EPC2: variants seen among roughly 807,000 people sequenced by gnomAD.
EPC2 encodes enhancer of polycomb 2.
In EPC2, 14 loss-of-function variants were observed where a neutral mutation model predicts 92.1. The observed-to-expected ratio is 0.15, with a 90% confidence interval of 0.10 to 0.24. The LOEUF is 0.24. Ranked by LOEUF, EPC2 falls within the 10% of genes least tolerant of loss-of-function variation. EPC2 has a pLI of 1.00. For synonymous variants in EPC2, 340 were observed against 334.7 expected, an observed-to-expected ratio of 1.02 and a Z score of -0.17; for missense variants, 755 against 971.5, an observed-to-expected ratio of 0.78 and a Z score of 2.96.
At chr2:148,737,715 T>C (rs1407219369) in intron 2 of EPC2, among the ~76,000 whole-genome samples, 1 of 152,030 alleles carries the variant, frequency 6.6e-6, no homozygotes, top group Non-Finnish European at 1.5e-5. Flanking sequence ...CTCTCAGGGA[T>C]GTCCAATCAT....
intron 2 of EPC2, among the ~76,000 whole-genome samples, chr2:148,705,633 A>G (rs1681983063): frequency 1.3e-5 from 2 of 152,182 alleles, no homozygotes; most frequent in Admixed American, 1.3e-4. Context: ...TTCCAGAGGA[A>G]GGATTAGGCA....
At chr2:148,665,256 G>T (rs1047141335) in intron 1 of EPC2, among the ~76,000 whole-genome samples, 3 of 152,138 alleles carry the variant, frequency 2.0e-5, no homozygotes, top group African/African-American at 4.8e-5. Context: ...AGTATTCAAG[G>T]AATGCAAAAT....
At chr2:148,701,974 T>C (rs377453008) in intron 2 of EPC2, among the ~76,000 whole-genome samples, 64 of 152,308 alleles carry the variant, frequency 4.2e-4, no homozygotes, top group Admixed American at 1.9e-3. Flanking sequence ...TTCTGTAAGT[T>C]GTCAATTTAT....
chr2:148,761,790 G>A lies in EPC2; in HGVS notation c.675G>A (p.Lys225=). ...ATTATTATTTTTAATAGAATCGTAAGAATGATGAAGCCTCTTATGAAAAGA... is the reference window on the plus strand; with the variant it reads ...ATTATTATTTTTAATAGAATCGTAAAAATGATGAAGCCTCTTATGAAAAGA... ...TEKMQTRKNR[K]NDEASYEKML... is the part of the protein sequence containing the mutation. The change falls in exon 5 of 14, where the codon AAG becomes AAA. Residue 225 remains lysine (K), a synonymous_variant. Coordinates refer to ENST00000258484, the MANE Select transcript of EPC2 (RefSeq NM_015630.4). The A allele has an allele frequency of 6.6e-7, 1 of 1,510,776 alleles. No homozygotes were observed. Among genetic ancestry groups the A allele is most frequent in the South Asian group, 1.3e-5 (1 of 74,544 alleles). 93.6% of individuals were successfully genotyped at this position (1,510,776 alleles called of 1,614,324 possible).
At chr2:148,657,113 G>A (rs953707029) in intron 1 of EPC2, among the ~76,000 whole-genome samples, 2 of 151,838 alleles carry the variant, frequency 1.3e-5, no homozygotes, top group African/African-American at 4.8e-5. Flanking sequence ...CTTTTAGGAC[G>A]GGCAAAATTG....
chr2:148,713,143 T>A (rs560596679), intron 2 of EPC2, among the ~76,000 whole-genome samples: 2 of 152,364 alleles, frequency 1.3e-5, no homozygotes, highest in South Asian at 4.1e-4. Flanking sequence ...TTCCTCTACT[T>A]ATCAAAAATT....
At position 148,749,024 on chromosome 2, in the gene EPC2, A is replaced by G. The variant is rs558600990; in HGVS notation, c.460-4903A>G. Among the ~76,000 whole-genome samples, 163 of 152,266 alleles carry G rather than the reference A, an allele frequency of 1.1e-3. 1 individual carries two copies. Among genetic ancestry groups the G allele is most frequent in the African/African-American group, 3.8e-3 (156 of 41,560 alleles). ...TATAAAGTGAAATCTGAACCACCTG[A>G]TTCCAGCCATGCTGAACTTCTTTCT... On this transcript the variant is annotated intron_variant, in intron 3 of 13. Coordinates refer to ENST00000258484, the MANE Select transcript of EPC2 (RefSeq NM_015630.4).
rs566328147 is a variant in EPC2 at position 148,703,961 on chromosome 2, A to C, written c.313+13588A>C. ...ACTCTTGTGGACTGTTGGGAATGTA[A>C]AATGGTGTAGCCACTGTGGAAAACA... On this transcript the variant is annotated intron_variant, in intron 2 of 13. Transcript: ENST00000258484. 2.1e-3 allele frequency among the ~76,000 whole-genome samples: 315 copies of C among 152,332 alleles called. 1 individual carries two copies. The highest frequency in any genetic ancestry group is 7.3e-3 in the African/African-American group (302 of 41,582).
intron 2 of EPC2, among the ~76,000 whole-genome samples, chr2:148,710,861 G>C (rs1355341486): frequency 1.3e-5 from 2 of 152,042 alleles, no homozygotes; most frequent in Non-Finnish European, 2.9e-5. Context: ...TGGGGGGAGT[G>C]GGGAGGGATG....
At chr2:148,674,252 C>T (rs1681219338) in intron 1 of EPC2, among the ~76,000 whole-genome samples, 1 of 152,178 alleles carries the variant, frequency 6.6e-6, no homozygotes, top group Non-Finnish European at 1.5e-5. Context: ...CTTGCTCCCT[C>T]TTGTCTCTGT....
intron 1 of EPC2, 49 bp downstream of exon 1, chr2:148,645,219 C>CT (rs1271071430): frequency 1.4e-6 from 2 of 1,465,722 alleles, no homozygotes; most frequent in Non-Finnish European, 9.2e-7. Context: ...CCCCCCTCCC[C>CT]TTTGTCAGTC....
At chr2:148,706,524 C>G (rs1682003211) in intron 2 of EPC2, among the ~76,000 whole-genome samples, 1 of 152,118 alleles carries the variant, frequency 6.6e-6, no homozygotes, top group Admixed American at 6.5e-5. Context: ...TCGAGAAGAG[C>G]AACCCCAAGA....
At chr2:148,759,664 G>A (rs1023593872) in intron 4 of EPC2, among the ~76,000 whole-genome samples, 5 of 151,650 alleles carry the variant, frequency 3.3e-5, no homozygotes, top group Non-Finnish European at 1.5e-5. Context: ...AACTTCTCTT[G>A]AAATTTTTCA....
chr2:148,683,717 C>G (rs575343503), intron 1 of EPC2, among the ~76,000 whole-genome samples: 1 of 152,324 alleles, frequency 6.6e-6, no homozygotes, highest in African/African-American at 2.4e-5. Context: ...TTATTTCATT[C>G]CTTTTTATGC....
chr2:148,652,690 A>T (rs1254332291), intron 1 of EPC2, among the ~76,000 whole-genome samples: 1 of 152,232 alleles, frequency 6.6e-6, no homozygotes. Flanking sequence ...ATGTGACATT[A>T]AATATTGGGA....
At position 148,654,582 on chromosome 2, in the gene EPC2, C is replaced by T. The variant is rs558052254; in HGVS notation, c.153+9412C>T. Among the ~76,000 whole-genome samples, 8 of 152,186 alleles carry T rather than the reference C, an allele frequency of 5.3e-5. No homozygotes were observed. In the South Asian group the frequency reaches 1.7e-3, roughly 32 times the overall value. On this transcript the variant is annotated intron_variant, in intron 1 of 13. Coordinates refer to ENST00000258484, the MANE Select transcript of EPC2 (RefSeq NM_015630.4). ...CTGAAACTGGAGGATTCCTTGAGCCCGGGAATTCAAGGCTGCAGTGAACTG... is the reference window on the plus strand; with the variant it reads ...CTGAAACTGGAGGATTCCTTGAGCCTGGGAATTCAAGGCTGCAGTGAACTG...
At chr2:148,745,730 TG>T (rs1406029156) in intron 3 of EPC2, among the ~76,000 whole-genome samples, 1 of 152,146 alleles carries the variant, frequency 6.6e-6, no homozygotes, top group East Asian at 1.9e-4. Flanking sequence ...TTCCATTCCC[TG>T]ATCTGTTAAT....
chr2:148,695,684 C>T (rs1392195083), intron 2 of EPC2, among the ~76,000 whole-genome samples: 1 of 152,106 alleles, frequency 6.6e-6, no homozygotes, highest in Non-Finnish European at 1.5e-5. Context: ...GGATTCAGAA[C>T]AAATGAAGAG....
intron 7 of EPC2, among the ~76,000 whole-genome samples, chr2:148,766,519 T>C (rs1288864120): frequency 6.6e-6 from 1 of 152,170 alleles, no homozygotes; most frequent in Non-Finnish European, 1.5e-5. Context: ...AGGCAGAGCT[T>C]TGAATAGCCA....
Sources: allele counts gnomAD v4.1 joint callset (sites outside exome capture counted in the v4.1 genomes callset), GRCh38; gene constraint gnomAD v4.1.1; transcripts MANE v1.5; gene names NCBI Gene and HGNC (gene_info 2026-07-23, HGNC 2026-07-21).